The following DGKD variants were observed in gnomAD, a reference collection of about 807,000 sequenced individuals.
DGKD encodes DAG kinase delta.
Under a neutral mutation model 154.4 loss-of-function variants are expected in DGKD, and 68 were observed. The observed-to-expected ratio is 0.44, with a 90% confidence interval of 0.36 to 0.54. The LOEUF (loss-of-function observed/expected upper bound fraction) is 0.54. Among genes scored for constraint, DGKD ranks in the 20% least tolerant of loss-of-function variants. The pLI, the probability that DGKD is intolerant of heterozygous loss-of-function variation, is 0.00. For synonymous variants in DGKD, 693 were observed against 638.0 expected, an observed-to-expected ratio of 1.09 and a Z score of -1.30; for missense variants, 1,343 against 1,593.6, an observed-to-expected ratio of 0.84 and a Z score of 2.68.
At chr2:233,387,977 T>C (rs1241884160) in intron 1 of DGKD, among the ~76,000 whole-genome samples, 1 of 152,158 alleles carries the variant, frequency 6.6e-6, no homozygotes, top group African/African-American at 2.4e-5. Context: ...TCAGTGTCCC[T>C]TCTTCATGTC....
chr2:233,366,245 ATTG>A (rs1702021948), intron 1 of DGKD, among the ~76,000 whole-genome samples: 1 of 152,208 alleles, frequency 6.6e-6, no homozygotes, highest in African/African-American at 2.4e-5. Flanking sequence ...CCATGACCTA[ATTG>A]GATCGTGGTT....
At chr2:233,419,580 A>G (rs2062050217) in intron 3 of DGKD, among the ~76,000 whole-genome samples, 2 of 149,118 alleles carry the variant, frequency 1.3e-5, no homozygotes, top group African/African-American at 5.1e-5. Context: ...GGAAGGCTGG[A>G]ATTTTTAAGG....
chr2:233,388,475 C>T (rs999015708), intron 2 of DGKD, 108 bp downstream of exon 2: 1 of 1,063,320 alleles, frequency 9.4e-7, no homozygotes, highest in South Asian at 1.7e-5. Flanking sequence ...ATTCTCAGAT[C>T]TGTTATTGCC....
At position 233,427,321 on chromosome 2, in the gene DGKD, T is replaced by G. The variant is rs117940117; in HGVS notation, c.349-7059T>G. Among the ~76,000 whole-genome samples, 16 of 150,992 alleles carry G rather than the reference T, an allele frequency of 1.1e-4. No individual in the cohort carries two copies. In the East Asian group the frequency reaches 2.9e-3, roughly 28 times the overall value. On this transcript the variant is annotated intron_variant, in intron 3 of 29. Transcript: ENST00000264057. ...ATGTCATTCATTTGTCCTGTTGAGT[T>G]CAGTTTATTGCCCTGCTTTTTTTTT... is the stretch of plus-strand genomic sequence containing the variant.
At chr2:233,433,537 C>T (rs1373645629) in intron 3 of DGKD, among the ~76,000 whole-genome samples, 1 of 151,908 alleles carries the variant, frequency 6.6e-6, no homozygotes, top group Admixed American at 6.6e-5. Flanking sequence ...AACGGGGTGA[C>T]AACAGTTAAT....
At chr2:233,409,786 CGTTT>C (rs1405572842) in intron 3 of DGKD, among the ~76,000 whole-genome samples, 97 of 118,642 alleles carry the variant, frequency 8.2e-4, no homozygotes, top group Non-Finnish European at 1.4e-3. Context: ...CCCCCCATAC[CGTTT>C]TTTTTTTTTT....
chr2:233,402,140 C>G (rs117417672), intron 3 of DGKD, among the ~76,000 whole-genome samples: 9 of 152,054 alleles, frequency 5.9e-5, no homozygotes. Context: ...CCCCACCGAC[C>G]CTGTCCGTTT....
At chr2:233,451,230 A>G (rs1379529628) in intron 17 of DGKD, among the ~76,000 whole-genome samples, 180 bp downstream of exon 17, 1 of 152,004 alleles carries the variant, frequency 6.6e-6, no homozygotes, top group Non-Finnish European at 1.5e-5. Context: ...TAAAAACAAA[A>G]AACAAAAAAC....
intron 1 of DGKD, among the ~76,000 whole-genome samples, chr2:233,370,809 T>C (rs534344145): frequency 2.2e-4 from 34 of 152,106 alleles, no homozygotes; most frequent in Admixed American, 5.9e-4. Flanking sequence ...TGGAGTGCAG[T>C]GGTGCAGTCA....
intron 3 of DGKD, among the ~76,000 whole-genome samples, chr2:233,393,337 T>C (rs1344074170): frequency 6.9e-6 from 1 of 144,664 alleles, no homozygotes; most frequent in African/African-American, 2.5e-5. Flanking sequence ...CTGTTTCCTT[T>C]TTTTTTTTTT....
At chr2:233,429,825 G>A (rs1015470657) in intron 3 of DGKD, among the ~76,000 whole-genome samples, 6 of 152,178 alleles carry the variant, frequency 3.9e-5, no homozygotes, top group Admixed American at 3.3e-4. Flanking sequence ...CGCCCAGCCC[G>A]GCCCCAGGTG....
chr2:233,471,850 TGTG>T lies in DGKD; in HGVS notation c.*2394_*2396del, dbSNP rs1246733502. On this transcript the variant is annotated 3_prime_UTR_variant, in exon 30 of 30. Coordinates refer to ENST00000264057, the MANE Select transcript of DGKD (RefSeq NM_152879.3). Reference sequence around the variant, plus strand: ...TCTGCTGCCCCGGCCCAGGTCCCCTTGTGGTGTTGCCAGACGGGCCTCATGGTC... The same window carrying T: ...TCTGCTGCCCCGGCCCAGGTCCCCTTGTGTTGCCAGACGGGCCTCATGGTC... 3.3e-5 allele frequency: 5 copies of T among 152,354 alleles called. No homozygotes were observed. Among genetic ancestry groups the T allele is most frequent in the African/African-American group, 4.8e-5 (2 of 41,438 alleles). The allele number at this position is 152,354 out of a possible 1,614,324, so 9.4% of individuals were successfully genotyped here.
intron 3 of DGKD, among the ~76,000 whole-genome samples, chr2:233,394,518 AAAG>A (rs1207603082): frequency 6.6e-6 from 1 of 152,066 alleles, no homozygotes; most frequent in East Asian, 1.9e-4. Context: ...TGCTGGGATT[AAAG>A]AAGATCTTTT....
rs755610624 is a variant in DGKD, at chr2:233,377,078, CTTT to C, written c.157-11161_157-11159del. ...AAGATATTAATAGCGTAGCATGTTC[CTTT>C]TTTTTTTTTTTTTTTTTGGAGACGG... On this transcript the variant is annotated intron_variant, in intron 1 of 29. Coordinates refer to ENST00000264057, the MANE Select transcript of DGKD (RefSeq NM_152879.3). Among the ~76,000 whole-genome samples the C allele has an allele frequency of 1.2e-4, 16 of 129,298 alleles. No homozygotes were observed. In the South Asian group the frequency reaches 3.6e-3, roughly 29 times the overall value. 84.8% of individuals were successfully genotyped at this position (129,298 alleles called of 152,430 possible).
Position 233,452,003 on chromosome 2 carries a change from C to G in DGKD, c.2207C>G (p.Ser736Ter). 6.2e-7 allele frequency: 1 copy of G among 1,614,076 alleles called. No individual in the cohort carries two copies. Among genetic ancestry groups the G allele is most frequent in the Non-Finnish European group, 8.5e-7 (1 of 1,179,950 alleles). Residue 736 changes from serine to a stop codon, truncating the protein, a stop_gained, in exon 18 of 30, where the codon TCA becomes TGA. Transcript: ENST00000264057. LOFTEE classifies it high-confidence loss of function. The surrounding 1 kb of genome is among the most constrained non-coding windows in gnomAD (Gnocchi z 4.0). ...ATGTCTGGTTCCTTACCCGGTGGCT[C>G]AGTCATCAGTCGCCTGTTAATTAAT... Reference protein sequence around the residue: ...AGMSGSLPGGSVISRLLINAD... With the variant: ...AGMSGSLPGG
chr2:233,394,881 T>C (rs1026736182), intron 3 of DGKD, among the ~76,000 whole-genome samples: 2 of 151,796 alleles, frequency 1.3e-5, no homozygotes, highest in African/African-American at 4.8e-5. Context: ...TAATTTTTTA[T>C]TTTTTGTAGA....
At chr2:233,422,427 T>G (rs2062150696) in intron 3 of DGKD, among the ~76,000 whole-genome samples, 1 of 152,180 alleles carries the variant, frequency 6.6e-6, no homozygotes, top group African/African-American at 2.4e-5. Flanking sequence ...TCCATGACAC[T>G]CCTGCGTGTG....
intron 1 of DGKD, among the ~76,000 whole-genome samples, chr2:233,380,966 G>C (rs1355569528): frequency 6.6e-6 from 1 of 152,172 alleles, no homozygotes; most frequent in African/African-American, 2.4e-5. Context: ...TGAAAACCAG[G>C]GTAGTGGCAA....
At chr2:233,439,997 T>G (rs1012700074) in intron 9 of DGKD, among the ~76,000 whole-genome samples, 2 of 152,164 alleles carry the variant, frequency 1.3e-5, no homozygotes, top group African/African-American at 4.8e-5. Context: ...GTTGGAGGAA[T>G]GCTGTGAAAT....
Sources: allele counts gnomAD v4.1 joint callset (sites outside exome capture counted in the v4.1 genomes callset), GRCh38; gene constraint gnomAD v4.1.1; non-coding constraint Gnocchi (gnomAD v3.1); transcripts MANE v1.5; gene names NCBI Gene and HGNC (gene_info 2026-07-23, HGNC 2026-07-21).